APOOL: variants seen among roughly 807,000 people sequenced by gnomAD.
The protein encoded by APOOL is MICOS complex subunit MIC27.
In APOOL, 12 loss-of-function variants were observed where a neutral mutation model predicts 23.1. That is an observed-to-expected ratio of 0.52 (90% CI 0.33 to 0.84). The LOEUF is 0.84. Ranked by LOEUF, APOOL falls within the 40% of genes least tolerant of loss-of-function variation. APOOL has a pLI of 0.02. For synonymous variants in APOOL, 77 were observed against 69.9 expected, an observed-to-expected ratio of 1.10 and a Z score of -0.51; for missense variants, 212 against 199.6, an observed-to-expected ratio of 1.06 and a Z score of -0.37.
chrX:85,045,427 AAGTAT>A (rs1455616919), intron 1 of APOOL, among the ~76,000 whole-genome samples: 1 of 111,816 alleles, frequency 8.9e-6, no homozygotes, highest in African/African-American at 3.2e-5. Context: ...GTCAGAAATG[AAGTAT>A]AGGTACTATC....
chrX:85,074,259 C>G lies in APOOL; in HGVS notation c.601-15C>G. The G allele has an allele frequency of 8.3e-7, 1 of 1,209,122 alleles. No individual in the cohort carries two copies. Among genetic ancestry groups the G allele is most frequent in the South Asian group, 1.8e-5 (1 of 56,559 alleles). ...AATGATTTACTTATGAAGGAAAAAT[C>G]TGTTTGGTAAACAGCTAGGATCCTC... On this transcript the variant is annotated splice_polypyrimidine_tract_variant and intron_variant, in intron 7 of 8. Transcript: ENST00000373173.
intron 5 of APOOL, among the ~76,000 whole-genome samples, chrX:85,062,181 G>T (rs1160325465): frequency 1.4e-4 from 16 of 110,929 alleles, no homozygotes; most frequent in Non-Finnish European, 3.8e-5. Flanking sequence ...AGAAGTGTTT[G>T]TTCATGTCCT....
chrX:85,034,063 G>C (rs1922132006), intron 1 of APOOL, among the ~76,000 whole-genome samples: 1 of 110,627 alleles, frequency 9.0e-6, no homozygotes, highest in Non-Finnish European at 1.9e-5. Context: ...CAGGTTTTTG[G>C]CCACAAGAGA....
chrX:85,012,805 T>C (rs769050083), intron 1 of APOOL, among the ~76,000 whole-genome samples: 5 of 111,260 alleles, frequency 4.5e-5, no homozygotes, highest in Non-Finnish European at 9.5e-5. Context: ...TGTAGTTTTC[T>C]TTTTTTTGTA....
At chrX:85,067,072 A>T in intron 5 of APOOL, 55 bp from the exon 6 acceptor site, 2 of 785,658 alleles carry the variant, frequency 2.5e-6, no homozygotes, top group Non-Finnish European at 3.7e-6. Context: ...GTATAAGAAC[A>T]TCAAGTCTCT....
chrX:85,077,076 CATAT>C lies in APOOL; in HGVS notation c.718+2699_718+2702del, dbSNP rs72425038. On this transcript the variant is annotated intron_variant, in intron 8 of 8. Coordinates refer to ENST00000373173, the MANE Select transcript of APOOL (RefSeq NM_198450.6). ...GTATATACACGTATATATATATATA[CATAT>C]ATATATATATATACACACACATATA... 2.5e-3 allele frequency among the ~76,000 whole-genome samples: 220 copies of C among 86,903 alleles called. 1 individual carries two copies. The highest frequency in any genetic ancestry group is 0.017 in the East Asian group (48 of 2,840). The allele number at this position is 86,903 out of a possible 115,157, so 75.5% of individuals were successfully genotyped here.
chrX:85,092,483 T>C lies in APOOL; in HGVS notation c.*4805T>C, dbSNP rs1053430357. ...GAGGAAAGGTCTAAAGCCCCTCGACTAGTATAGTAGTTGATAGAAGCCTGG... is the reference window on the plus strand; with the variant it reads ...GAGGAAAGGTCTAAAGCCCCTCGACCAGTATAGTAGTTGATAGAAGCCTGG... On this transcript the variant is annotated 3_prime_UTR_variant, in exon 9 of 9. Coordinates refer to ENST00000373173, the MANE Select transcript of APOOL (RefSeq NM_198450.6). 3.3e-6 allele frequency: 4 copies of C among 1,207,691 alleles called. No homozygotes were observed. The highest frequency in any genetic ancestry group is 4.5e-6 in the Non-Finnish European group (4 of 893,920).
At chrX:85,043,008 C>T (rs1432158815) in intron 1 of APOOL, among the ~76,000 whole-genome samples, 1 of 111,547 alleles carries the variant, frequency 9.0e-6, no homozygotes, top group African/African-American at 3.3e-5. Flanking sequence ...TAGAATATAA[C>T]TGCTGGAAAT....
intron 1 of APOOL, among the ~76,000 whole-genome samples, chrX:85,022,179 G>T (rs748345904): frequency 8.9e-6 from 1 of 112,269 alleles, no homozygotes; most frequent in South Asian, 3.7e-4. Flanking sequence ...AGTAATACCA[G>T]TTCTTCTCAA....
chrX:85,067,927 T>C (rs1217161637), intron 6 of APOOL, among the ~76,000 whole-genome samples: 4 of 111,148 alleles, frequency 3.6e-5, no homozygotes, highest in Admixed American at 2.9e-4. Flanking sequence ...AAACAATGTG[T>C]AGTGTTACCA....
At chrX:85,020,902 C>T (rs1921640549) in intron 1 of APOOL, among the ~76,000 whole-genome samples, 1 of 111,779 alleles carries the variant, frequency 8.9e-6, no homozygotes, top group Admixed American at 9.4e-5. Context: ...ATCAGTAGCT[C>T]CAGGCTCTAG....
chrX:85,078,179 A>C (rs1387423028), intron 8 of APOOL, among the ~76,000 whole-genome samples: 2 of 111,742 alleles, frequency 1.8e-5, no homozygotes, highest in Non-Finnish European at 3.8e-5. Context: ...CTATGTCCTG[A>C]ATGGTATTGC....
chrX:85,037,232 C>T (rs1453695579), intron 1 of APOOL, among the ~76,000 whole-genome samples: 1 of 111,651 alleles, frequency 9.0e-6, no homozygotes, highest in Non-Finnish European at 1.9e-5. Context: ...TATGGGTTGG[C>T]TGTGTTCCCA....
intron 1 of APOOL, among the ~76,000 whole-genome samples, chrX:85,024,824 GA>G (rs1921786168): frequency 1.8e-5 from 2 of 112,253 alleles, no homozygotes; most frequent in Admixed American, 1.9e-4. Context: ...AATCCATCTG[GA>G]ATATCTCTTT....
intron 1 of APOOL, among the ~76,000 whole-genome samples, chrX:85,028,520 A>G (rs768921284): frequency 8.9e-6 from 1 of 111,763 alleles, no homozygotes; most frequent in South Asian, 3.8e-4. Context: ...TCAAGCATTT[A>G]TCCTCTGAGT....
chrX:85,054,547 G>T (rs5923242), intron 4 of APOOL, 149 bp downstream of exon 4: 1 of 71,077 alleles, frequency 1.4e-5, no homozygotes, highest in Non-Finnish European at 2.4e-5. Flanking sequence ...TTAATTTATT[G>T]ATTATTTGTT....
At chrX:85,064,707 T>A (rs762237133) in intron 5 of APOOL, among the ~76,000 whole-genome samples, 1 of 111,976 alleles carries the variant, frequency 8.9e-6, no homozygotes, top group Non-Finnish European at 1.9e-5. Context: ...AATTTCTTAA[T>A]CTTGAGTTTA....
chrX:85,068,557 C>T (rs1923554107), intron 6 of APOOL, among the ~76,000 whole-genome samples: 1 of 108,704 alleles, frequency 9.2e-6, no homozygotes, highest in African/African-American at 3.4e-5. Context: ...AGGCTCCCAC[C>T]ACCACGTCCA....
chrX:85,055,971 T>C (rs780318227), intron 5 of APOOL, 46 bp downstream of exon 5: 2 of 990,409 alleles, frequency 2.0e-6, no homozygotes, highest in Admixed American at 3.3e-5. Context: ...ATGATATTAG[T>C]TTCTGAATTT....
Sources: allele counts gnomAD v4.1 joint callset (sites outside exome capture counted in the v4.1 genomes callset), GRCh38; gene constraint gnomAD v4.1.1; transcripts MANE v1.5; gene names NCBI Gene and HGNC (gene_info 2026-07-23, HGNC 2026-07-21).